PTPRS: variants seen among roughly 807,000 people sequenced by gnomAD.
PTPRS encodes the protein protein tyrosine phosphatase receptor type S, also known as receptor-type tyrosine-protein phosphatase S.
In PTPRS, 63 loss-of-function variants were observed where a neutral mutation model predicts 215.3. The observed-to-expected ratio is 0.29, with a 90% CI of 0.24 to 0.36. The LOEUF is 0.36. Among genes scored for constraint, PTPRS ranks in the 10% least tolerant of loss-of-function variants. The probability of loss-of-function intolerance (pLI) is 1.00; values close to 1 mark genes in which losing one functional copy is unlikely to be tolerated. For missense variants in PTPRS, 2,258 were observed against 2,825.8 expected (o/e 0.80, Z 4.56); for synonymous variants, 1,404 against 1,191.4 (o/e 1.18, Z -3.68).
At position 5,310,284 on chromosome 19, in the gene PTPRS, T is replaced by G. The variant is rs181262081; in HGVS notation, c.-94-24050A>C. ...TTCTGTAGCTAAAACAGCCCCTCCC[T>G]GCCACCAACCAATTCCTCTAGCTTT... On this transcript the variant is annotated intron_variant, in intron 1 of 37. Coordinates refer to ENST00000262963, the MANE Select transcript of PTPRS (RefSeq NM_002850.4). 1.4e-3 allele frequency among the ~76,000 whole-genome samples: 212 copies of G among 151,978 alleles called. 2 individuals carry two copies. The highest frequency in any genetic ancestry group is 4.8e-3 in the African/African-American group (199 of 41,494).
At chr19:5,226,577 CA>C (rs537275736) in intron 16 of PTPRS, among the ~76,000 whole-genome samples, 8,448 of 106,288 alleles carry the variant, frequency 0.079, 691 homozygotes, top group African/African-American at 0.25. Context: ...CTAAAAATAC[CA>C]AAAAAAAAAA....
rs780686304 is a variant in PTPRS, at chr19:5,221,263, A to G, written c.3202-10T>C. On this transcript the variant is annotated splice_polypyrimidine_tract_variant and intron_variant, in intron 19 of 37. Transcript: ENST00000262963. ...GCCCATTGTACTGGATCTGCGGACC[A>G]GGGCTAGCTCAGCAGGGCCTGGTGG... 1 of 1,608,204 alleles carries G rather than the reference A, an allele frequency of 6.2e-7. No homozygotes were observed. Among genetic ancestry groups the G allele is most frequent in the Non-Finnish European group, 8.5e-7 (1 of 1,176,366 alleles).
In PTPRS at chr19:5,240,131, G is replaced by A. The variant is rs562221411; in HGVS notation, c.1704+68C>T. The A allele has an allele frequency of 4.1e-3, 5,781 of 1,420,594 alleles. 21 individuals carry two copies. Among genetic ancestry groups the A allele is most frequent in the South Asian group, 7.6e-3 (514 of 67,272 alleles). 88.0% of individuals were successfully genotyped at this position (1,420,594 alleles called of 1,614,324 possible). A position where few individuals can be genotyped will look rare whatever the true frequency, so the allele number is the denominator to read the frequency against. ...AGGGACAAAGAGGGGGAAGAGACAA[G>A]GCGGGCAGCGTCAGAGAGCGCCGGG... On this transcript the variant is annotated intron_variant, in intron 12 of 37. Transcript: ENST00000262963.
rs2045680482 is a variant in PTPRS, at chr19:5,257,780, AC to A, written c.706+236del. Among the ~76,000 whole-genome samples, 1 of 152,130 alleles carries A rather than the reference AC, an allele frequency of 6.6e-6. No individual in the cohort carries two copies. The highest frequency in any genetic ancestry group is 2.4e-5 in the African/African-American group (1 of 41,436). On this transcript the variant is annotated intron_variant, in intron 8 of 37. Coordinates refer to ENST00000262963, the MANE Select transcript of PTPRS (RefSeq NM_002850.4). The surrounding 1 kb of genome is among the most constrained non-coding windows in gnomAD (Gnocchi z 4.4). ...ACTGCCTCCCCAGAGCCTGCTGCCC[AC>A]GGGGCATCTCTCGCAAGGCACGAGG...
intron 35 of PTPRS, among the ~76,000 whole-genome samples, chr19:5,208,738 T>C (rs1303823451): frequency 6.6e-6 from 1 of 152,102 alleles, no homozygotes; most frequent in Non-Finnish European, 1.5e-5. Context: ...CCATAAGAGA[T>C]GCTCCAACCT....
At chr19:5,239,511 T>G (rs2043824548) in intron 12 of PTPRS, among the ~76,000 whole-genome samples, 3 of 138,370 alleles carry the variant, frequency 2.2e-5, no homozygotes, top group Admixed American at 7.3e-5. Flanking sequence ...AGGAGAGAGA[T>G]ACAGAGACAG....
chr19:5,273,182 G>C (rs1012863887), intron 4 of PTPRS: 5 of 520,258 alleles, frequency 9.6e-6, no homozygotes, highest in African/African-American at 9.6e-5. Flanking sequence ...TCAGCCTTTT[G>C]TCATCAGAAG....
chr19:5,315,434 G>C (rs1415327627), intron 1 of PTPRS, among the ~76,000 whole-genome samples: 3 of 133,562 alleles, frequency 2.2e-5, no homozygotes, highest in Non-Finnish European at 4.6e-5. Context: ...CACAATCATG[G>C]CTCACCACAG....
At chr19:5,331,127 TTAAAAAA>T (rs1191031820) in intron 1 of PTPRS, among the ~76,000 whole-genome samples, 43 of 80,690 alleles carry the variant, frequency 5.3e-4, no homozygotes, top group South Asian at 1.2e-3. Context: ...GCTTCTTTTT[TTAAAAAA>T]AAAAAAAAAA....
At chr19:5,239,742 A>G (rs1439267047) in intron 12 of PTPRS, among the ~76,000 whole-genome samples, 2 of 152,084 alleles carry the variant, frequency 1.3e-5, no homozygotes, top group Non-Finnish European at 2.9e-5. Flanking sequence ...ACAGAGACAG[A>G]GACAGAGAGA....
At chr19:5,335,966 G>T (rs2050484342) in intron 1 of PTPRS, among the ~76,000 whole-genome samples, 1 of 151,652 alleles carries the variant, frequency 6.6e-6, no homozygotes, top group African/African-American at 2.4e-5. Flanking sequence ...GTCCAGTCTG[G>T]CCAGGCCACG....
chr19:5,229,626 G>T lies in PTPRS; in HGVS notation c.2214C>A (p.Arg738=). ...EAEALNATAI[R]VLWRSPAPGR... is the part of the protein sequence containing the mutation. The stretch of plus-strand genomic sequence containing the variant: ...CGGGCGCGGGCGAGCGCCACAGCAC[G>T]CGGATGGCCGTGGCGTTGAGCGCCT... Residue 738 remains arginine, a synonymous_variant, in exon 15 of 38, where the codon CGC becomes CGA. Transcript: ENST00000262963. 1 of 1,384,060 alleles carries T rather than the reference G, an allele frequency of 7.2e-7. No homozygotes were observed. The highest frequency in any genetic ancestry group is 9.3e-7 in the Non-Finnish European group (1 of 1,072,602). 85.7% of individuals were successfully genotyped at this position (1,384,060 alleles called of 1,614,324 possible). A position where few individuals can be genotyped will look rare whatever the true frequency, so the allele number is the denominator to read the frequency against.
chr19:5,278,870 A>T (rs1326830540), intron 2 of PTPRS, among the ~76,000 whole-genome samples: 1 of 152,084 alleles, frequency 6.6e-6, no homozygotes, highest in East Asian at 1.9e-4. Context: ...AAAGTGTCGC[A>T]AATGGTACCG....
rs977538185 is a variant in PTPRS, at chr19:5,214,371, G to A, written c.4604C>T (p.Ser1535Phe). Residue 1535 changes from serine (S) to phenylalanine (F), a missense_variant, in exon 30 of 38, where the codon TCT (serine) becomes TTT (phenylalanine). Ser to Phe is a radical substitution (Grantham distance 155). Transcript: ENST00000262963. Reference sequence around the variant, plus strand: ...CAGCCTGGGCCCCACCTTGTGCAGAGAGAATGTCCTGACGCAGAATGTGGC... The same window carrying A: ...CAGCCTGGGCCCCACCTTGTGCAGAAAGAATGTCCTGACGCAGAATGTGGC... Reference protein sequence around the residue: ...ELATFCVRTFSLHKNGSSEKR... With the variant: ...ELATFCVRTFFLHKNGSSEKR... The A allele has an allele frequency of 2.9e-5, 46 of 1,614,000 alleles. No homozygotes were observed. The highest frequency in any genetic ancestry group is 3.6e-5 in the Non-Finnish European group (43 of 1,180,030).
At chr19:5,250,010 G>T (rs564504198) in intron 9 of PTPRS, among the ~76,000 whole-genome samples, 9 of 152,292 alleles carry the variant, frequency 5.9e-5, no homozygotes, top group African/African-American at 2.2e-4. Flanking sequence ...ATATGTAAAA[G>T]ACTTGCAGTA....
intron 1 of PTPRS, among the ~76,000 whole-genome samples, chr19:5,325,359 T>C (rs7254668): frequency 0.47 from 71,162 of 152,188 alleles, 17,905 homozygotes; most frequent in African/African-American, 0.68. Context: ...CAGATAAAAA[T>C]TGTAAAGTTC....
In PTPRS at chr19:5,207,941, G is replaced by A. The variant is rs968335743; in HGVS notation, c.5759C>T (p.Pro1920Leu). 2.0e-5 allele frequency: 32 copies of A among 1,613,914 alleles called. No individual in the cohort carries two copies. The highest frequency in any genetic ancestry group is 2.5e-5 in the Non-Finnish European group (29 of 1,179,986). Reference protein sequence around the residue: ...QTVKMLRTQRPAMVQTEDEYQ... With the variant: ...QTVKMLRTQRLAMVQTEDEYQ... ...CTTTACCTCTGTCTGCACCATGGCC[G>A]GCCGCTGGGTTCGTAGCATCTTCAC... Residue 1920 changes from proline to leucine, a missense_variant, in exon 37 of 38, where the codon CCG becomes CTG. Around this residue, in one of 6 missense-constraint regions of PTPRS, gnomAD observed 89 missense variants for 104.0 expected, o/e 0.86. Transcript: ENST00000262963.
chr19:5,274,365 A>G, intron 2 of PTPRS, 21 bp from the exon 3 acceptor site: 1 of 1,478,306 alleles, frequency 6.8e-7, no homozygotes, highest in Non-Finnish European at 9.2e-7. Context: ...AGTGGAAAGA[A>G]GGGGGGGCGC....
intron 1 of PTPRS, among the ~76,000 whole-genome samples, chr19:5,337,265 G>A (rs1344698025): frequency 6.6e-6 from 1 of 152,032 alleles, no homozygotes; most frequent in Non-Finnish European, 1.5e-5. Flanking sequence ...CCTCCCGCTC[G>A]CCCCCATCCC....
Sources: gnomAD v4.1 joint callset for allele counts (sites outside exome capture counted in the v4.1 genomes callset) on GRCh38, gnomAD v4.1.1 for gene constraint, gnomAD v4.1.1 regional missense constraint, Gnocchi (gnomAD v3.1) non-coding constraint, MANE v1.5 for transcripts, NCBI Gene and HGNC (gene_info 2026-07-23, HGNC 2026-07-21) for gene names.